Variants in ZC3H15 observed in about 807,000 individuals in gnomAD.
ZC3H15 encodes the protein zinc finger CCCH domain-containing protein 15.
A neutral mutation model predicts 51.2 loss-of-function variants in ZC3H15; 15 were observed. The observed-to-expected ratio is 0.29, with a 90% confidence interval of 0.20 to 0.45. The LOEUF is 0.45. Among genes scored for constraint, ZC3H15 ranks in the 20% least tolerant of loss-of-function variants. ZC3H15 has a pLI of 1.00. For synonymous variants in ZC3H15, 144 were observed against 162.8 expected (o/e 0.88, Z 0.88); for missense variants, 381 against 494.7 (o/e 0.77, Z 2.18).
chr2:186,488,026 T>C (rs971399202), intron 1 of ZC3H15, among the ~76,000 whole-genome samples: 1 of 152,170 alleles, frequency 6.6e-6, no homozygotes, highest in Non-Finnish European at 1.5e-5. Flanking sequence ...GAAAGCAATT[T>C]TAGTTTCAAT....
At position 186,501,149 on chromosome 2, in the gene ZC3H15, GCCGTT is replaced by G; in HGVS notation, c.290-123_290-119del. On this transcript the variant is annotated intron_variant, in intron 3 of 9. Coordinates refer to ENST00000337859, the MANE Select transcript of ZC3H15 (RefSeq NM_018471.3). ...AATGTCTTGCTAATCACCCATAAGT[GCCGTT>G]TTCCTCTCACATCAGTGAATGGAAA... 5.4e-6 allele frequency: 5 copies of G among 930,092 alleles called. No individual in the cohort carries two copies. In the South Asian group the frequency reaches 1.3e-4, roughly 25 times the overall value. The allele number at this position is 930,092 out of a possible 1,614,324, so 57.6% of individuals were successfully genotyped here.
Position 186,501,404 on chromosome 2 carries a change from A to G in ZC3H15, c.421A>G (p.Arg141Gly). 1 of 1,609,322 alleles carries G rather than the reference A, an allele frequency of 6.2e-7. No homozygotes were observed. The highest frequency in any genetic ancestry group is 8.5e-7 in the Non-Finnish European group (1 of 1,178,702). The change falls in exon 4 of 10, where the codon AGA becomes GGA. Residue 141 changes from arginine (R) to glycine (G), a missense_variant. Transcript: ENST00000337859. ...AAAGCGAAGTGTTTACATTGATGCA[A>G]GAGATGAAGAACTTGAAAAAGGTAA... ...CEKRSVYIDARDEELEKDTMD... is the reference protein window; with the variant it reads ...CEKRSVYIDAGDEELEKDTMD...
In ZC3H15 at chr2:186,486,323, C is replaced by T. The variant is rs1685091290; in HGVS notation, c.-60C>T. ...TCTTCCTCCTCGTCCTGCCGCAGGG[C>T]CAGAACCCCTGACGGTATTCAGCTG... On this transcript the variant is annotated 5_prime_UTR_variant, in exon 1 of 10. Coordinates refer to ENST00000337859, the MANE Select transcript of ZC3H15 (RefSeq NM_018471.3). The T allele has an allele frequency of 3.4e-6, 5 of 1,460,126 alleles. No homozygotes were observed. The Admixed American group carries it at 7.4e-5, about 21-fold the overall frequency. 90.4% of individuals were successfully genotyped at this position (1,460,126 alleles called of 1,614,324 possible). A position where few individuals can be genotyped will look rare whatever the true frequency, so the allele number is the denominator to read the frequency against.
intron 9 of ZC3H15, 53 bp from the exon 10 acceptor site, chr2:186,508,490 T>C: frequency 6.6e-7 from 1 of 1,514,076 alleles, no homozygotes. Flanking sequence ...ATTGCTAATG[T>C]GGAATGGTGT....
intron 2 of ZC3H15, chr2:186,499,596 G>A (rs1327459703): frequency 4.4e-6 from 2 of 455,508 alleles, no homozygotes; most frequent in Non-Finnish European, 8.8e-6. Flanking sequence ...TCTTTTCATT[G>A]TATTCTCTGT....
chr2:186,489,927 C>T (rs1437668928), intron 1 of ZC3H15, among the ~76,000 whole-genome samples: 2 of 152,122 alleles, frequency 1.3e-5, no homozygotes, highest in African/African-American at 4.8e-5. Flanking sequence ...TGAGATAATA[C>T]ATGTAAAGTG....
chr2:186,507,001 T>G (rs187289551), intron 9 of ZC3H15, among the ~76,000 whole-genome samples, 165 bp downstream of exon 9: 23 of 152,282 alleles, frequency 1.5e-4, no homozygotes, highest in Non-Finnish European at 7.4e-5. Context: ...GCTGTAGACA[T>G]GAGCAGCTGG....
chr2:186,505,618 A>G (rs1436851833), intron 7 of ZC3H15, 21 bp downstream of exon 7: 1 of 1,598,612 alleles, frequency 6.3e-7, no homozygotes, highest in Non-Finnish European at 8.5e-7. Flanking sequence ...GGCTCACCCA[A>G]ACTGATTCTT....
intron 3 of ZC3H15, chr2:186,500,506 C>T: frequency 3.0e-6 from 2 of 659,380 alleles, no homozygotes; most frequent in Non-Finnish European, 5.6e-6. Context: ...CAGCCATGCA[C>T]CCCACACTTA....
chr2:186,496,441 A>G (rs1685283713), intron 2 of ZC3H15, among the ~76,000 whole-genome samples: 1 of 152,190 alleles, frequency 6.6e-6, no homozygotes, highest in Admixed American at 6.5e-5. Flanking sequence ...TGGCCTCACA[A>G]TCCGCCTGCC....
chr2:186,500,353 T>C, intron 3 of ZC3H15, 60 bp downstream of exon 3: 1 of 1,308,668 alleles, frequency 7.6e-7, no homozygotes, highest in Non-Finnish European at 1.1e-6. Flanking sequence ...CTAAAAACTA[T>C]TTATTTTGAT....
At chr2:186,491,325 A>C (rs1685196287) in intron 1 of ZC3H15, among the ~76,000 whole-genome samples, 1 of 152,152 alleles carries the variant, frequency 6.6e-6, no homozygotes, top group South Asian at 2.1e-4. Flanking sequence ...GAAGGAGAGA[A>C]GAGAGACAAG....
chr2:186,489,115 T>C (rs1439486890), intron 1 of ZC3H15: 2 of 152,290 alleles, frequency 1.3e-5, no homozygotes, highest in Non-Finnish European at 2.9e-5. Flanking sequence ...AAGGTCCTCC[T>C]AGCCTGACAT....
At chr2:186,506,599 G>A (rs2105594765) in intron 8 of ZC3H15, 114 bp from the exon 9 acceptor site, 2 of 1,211,916 alleles carry the variant, frequency 1.7e-6, no homozygotes, top group African/African-American at 3.1e-5. Context: ...GCCAGTAATT[G>A]GTCTTTTGTT....
intron 6 of ZC3H15, chr2:186,505,190 A>G (rs1685448871): frequency 4.8e-6 from 1 of 206,884 alleles, no homozygotes; most frequent in African/African-American, 2.3e-5. Flanking sequence ...TCATGTTAAA[A>G]CAATTTCTTA....
intron 1 of ZC3H15, chr2:186,487,385 A>G (rs1431386437): frequency 1.3e-5 from 2 of 152,218 alleles, no homozygotes; most frequent in African/African-American, 4.8e-5. Context: ...GATTTCTGCT[A>G]TTAATCCTCC....
At chr2:186,507,788 A>T (rs1341436638) in intron 9 of ZC3H15, among the ~76,000 whole-genome samples, 4 of 152,238 alleles carry the variant, frequency 2.6e-5, no homozygotes, top group Non-Finnish European at 5.9e-5. Context: ...TGAGAGTGTT[A>T]GCAAACCACT....
At chr2:186,488,042 AG>A (rs1417390871) in intron 1 of ZC3H15, among the ~76,000 whole-genome samples, 1 of 152,198 alleles carries the variant, frequency 6.6e-6, no homozygotes, top group African/African-American at 2.4e-5. Flanking sequence ...TCAATAATGA[AG>A]GTATCTCCAA....
At position 186,495,266 on chromosome 2, in the gene ZC3H15, G is replaced by A; in HGVS notation, c.109G>A (p.Ala37Thr). The change falls in exon 2 of 10, where the codon GCA becomes ACA. Residue 37 changes from alanine (A) to threonine (T), a missense_variant. Transcript: ENST00000337859. ...KTFGLKNKKG[A>T]KQQKFIKAVT... ...TTTCGGTTTGAAGAATAAGAAAGGA[G>A]CAAAGCAACAGAAGTTTATCAAGGC... The A allele has an allele frequency of 6.4e-7, 1 of 1,555,680 alleles. No individual in the cohort carries two copies.
Sources: allele counts gnomAD v4.1 joint callset (sites outside exome capture counted in the v4.1 genomes callset), GRCh38; gene constraint gnomAD v4.1.1; transcripts MANE v1.5; gene names NCBI Gene and HGNC (gene_info 2026-07-23, HGNC 2026-07-21).